The following NIBAN2 variants were observed in gnomAD, a reference collection of about 807,000 sequenced individuals.
NIBAN2 encodes protein Niban 2.
Under a neutral mutation model 81.8 loss-of-function variants are expected in NIBAN2, and 36 were observed. The observed-to-expected ratio is 0.44, with a 90% CI of 0.34 to 0.58. NIBAN2 has a LOEUF of 0.58. NIBAN2 is among the 20% of genes least tolerant of loss of function. NIBAN2 has a pLI of 0.02. For missense variants in NIBAN2, 897 were observed against 1,014.1 expected (o/e 0.88, Z 1.57); for synonymous variants, 445 against 441.6 (o/e 1.01, Z -0.10).
upstream of NIBAN2, among the ~76,000 whole-genome samples, chr9:127,573,002 G>A (rs987338581): frequency 9.9e-5 from 15 of 152,210 alleles, no homozygotes; most frequent in African/African-American, 2.9e-4. Flanking sequence ...CTGTGATCTC[G>A]CCGCTACACT....
At chr9:127,555,519 C>T (rs1837651388) in intron 1 of NIBAN2, among the ~76,000 whole-genome samples, 1 of 152,350 alleles carries the variant, frequency 6.6e-6, no homozygotes, top group East Asian at 1.9e-4. Flanking sequence ...GCCTCCTGAA[C>T]AGCATTCCCT....
At chr9:127,541,564 C>G (rs1486150588) in intron 1 of NIBAN2, among the ~76,000 whole-genome samples, 1 of 152,268 alleles carries the variant, frequency 6.6e-6, no homozygotes, top group East Asian at 1.9e-4. Flanking sequence ...AGACACAGGG[C>G]TCCTGCTCAG....
Position 127,506,710 on chromosome 9 carries a change from C to A in NIBAN2, c.*135G>T. ...ATAAAGTGACTCAGGTGGGCCCGCT[C>A]CCTGGCGGTGCCACACAGCCCTGCC... On this transcript the variant is annotated 3_prime_UTR_variant, in exon 14 of 14. Transcript: ENST00000373312. 1 of 694,636 alleles carries A rather than the reference C, an allele frequency of 1.4e-6. No individual in the cohort carries two copies. The highest frequency in any genetic ancestry group is 2.2e-6 in the Non-Finnish European group (1 of 444,740). 43.0% of individuals were successfully genotyped at this position (694,636 alleles called of 1,614,324 possible).
rs765325817 is a variant in NIBAN2, at chr9:127,509,020, T to C, written c.1273A>G (p.Ser425Gly). ...DGLQQRFDVS[S>G]TSVFKQRAQI... Reference sequence around the variant, plus strand: ...GCTCGCTGCTTGAACACGGACGTGCTGGACACATCAAATCGCTGCTGCAGC... The same window carrying C: ...GCTCGCTGCTTGAACACGGACGTGCCGGACACATCAAATCGCTGCTGCAGC... Residue 425 changes from serine to glycine, a missense_variant, in exon 10 of 14, where the codon AGC becomes GGC. By Grantham distance (56) the Ser-to-Gly change is moderately conservative. Transcript: ENST00000373312. 2 of 1,613,998 alleles carry C rather than the reference T, an allele frequency of 1.2e-6. No homozygotes were observed. The highest frequency in any genetic ancestry group is 1.1e-5 in the South Asian group (1 of 91,082).
rs764013369 is a variant in NIBAN2, at chr9:127,507,901, C to T, written c.1620G>A (p.Val540=). ...TGTCCTTCATGACGGTCTGCAGCAC[C>T]ACCTCCTCGTACGTGTTTTCCACCA... ...FILVENTYEE[V]VLQTVMKDIL... is the part of the protein sequence containing the mutation. The change falls in exon 13 of 14, where the codon GTG becomes GTA. Residue 540 remains valine, a synonymous_variant. Coordinates refer to ENST00000373312, the MANE Select transcript of NIBAN2 (RefSeq NM_022833.4). The surrounding 1 kb of genome is among the most constrained non-coding windows in gnomAD (Gnocchi z 6.8). 2.5e-6 allele frequency: 4 copies of T among 1,614,224 alleles called. No homozygotes were observed. The African/African-American group carries it at 4.0e-5, about 16-fold the overall frequency.
At chr9:127,546,105 C>A (rs1032341841) in intron 1 of NIBAN2, among the ~76,000 whole-genome samples, 3 of 152,224 alleles carry the variant, frequency 2.0e-5, no homozygotes, top group African/African-American at 7.2e-5. Flanking sequence ...CAAGGCCACG[C>A]CCAAGGAGGA....
At chr9:127,521,296 A>G (rs1353339575) in intron 5 of NIBAN2, among the ~76,000 whole-genome samples, 1 of 152,190 alleles carries the variant, frequency 6.6e-6, no homozygotes, top group Non-Finnish European at 1.5e-5. Context: ...GCTTGAACCC[A>G]GGACCAGCTG....
Position 127,553,217 on chromosome 9 carries a change from G to A in NIBAN2, c.55+15603C>T, listed in dbSNP as rs77669280. ...ATAATAAAAGGTGAAAAACAATAAA[G>A]GGGGAAGACTGGGGAAGCTCAAAGT... On this transcript the variant is annotated intron_variant, in intron 1 of 13. Coordinates refer to ENST00000373312, the MANE Select transcript of NIBAN2 (RefSeq NM_022833.4). 5.6e-3 allele frequency among the ~76,000 whole-genome samples: 850 copies of A among 152,332 alleles called. 15 individuals carry two copies. The East Asian group carries it at 0.065, about 12-fold the overall frequency.
intron 2 of NIBAN2, among the ~76,000 whole-genome samples, 159 bp from the exon 3 acceptor site, chr9:127,527,481 G>A (rs1394962850): frequency 6.6e-6 from 1 of 152,200 alleles, no homozygotes; most frequent in Non-Finnish European, 1.5e-5. Context: ...TCTGAGGCCG[G>A]GCTGCATCTC....
At chr9:127,552,934 C>A (rs1207872993) in intron 1 of NIBAN2, among the ~76,000 whole-genome samples, 1 of 152,138 alleles carries the variant, frequency 6.6e-6, no homozygotes, top group Admixed American at 6.5e-5. Flanking sequence ...TCAGGTGATC[C>A]GCCTGTCTCA....
In NIBAN2 at chr9:127,507,411, G is replaced by A; in HGVS notation, c.1675C>T (p.Gln559Ter). 1 of 1,513,972 alleles carries A rather than the reference G, an allele frequency of 6.6e-7. No individual in the cohort carries two copies. 93.8% of individuals were successfully genotyped at this position (1,513,972 alleles called of 1,614,324 possible). Residue 559 changes from glutamine to a stop codon, truncating the protein, a stop_gained, in exon 14 of 14, where the codon CAG becomes TAG. Coordinates refer to ENST00000373312, the MANE Select transcript of NIBAN2 (RefSeq NM_022833.4). LOFTEE classifies it low-confidence loss of function (END_TRUNC). This position sits in a 1 kb window ranked among gnomAD's most constrained non-coding sequence, Gnocchi z 6.8. The stretch of plus-strand genomic sequence containing the variant: ...TCCCGGTAGAGGTTGTGCTTCCTCT[G>A]CACCGCGGCCTCCTTCACAGCTACA... The part of the protein sequence containing the change: ...ILQAVKEAAV[Q>*]RKHNLYRDSM...
chr9:127,514,034 C>T (rs374180082), intron 8 of NIBAN2, among the ~76,000 whole-genome samples: 6 of 152,102 alleles, frequency 3.9e-5, no homozygotes, highest in East Asian at 1.9e-4. Context: ...TTTGGGAGGC[C>T]GAGGCAGGAA....
chr9:127,575,062 C>A (rs1837991734), intron 1 of NIBAN2, among the ~76,000 whole-genome samples: 1 of 152,216 alleles, frequency 6.6e-6, no homozygotes, highest in African/African-American at 2.4e-5. Flanking sequence ...CCACTTCTAA[C>A]CTTCTGTGGC....
At chr9:127,577,722 G>T (rs1838026203) in intron 1 of NIBAN2, among the ~76,000 whole-genome samples, 1 of 152,066 alleles carries the variant, frequency 6.6e-6, no homozygotes, top group East Asian at 1.9e-4. Flanking sequence ...TTGTTTGTTT[G>T]TTTGTTTCAG....
At chr9:127,522,716 T>C (rs1309035884) in intron 5 of NIBAN2, among the ~76,000 whole-genome samples, 1 of 151,804 alleles carries the variant, frequency 6.6e-6, no homozygotes, top group Admixed American at 6.6e-5. Context: ...TCCTCCCCTC[T>C]CCTCTATGCA....
In NIBAN2 at chr9:127,545,318, G is replaced by A. The variant is rs1167547286; in HGVS notation, c.56-13540C>T. ...TCCCACAGCCCCTGGCCTGCTCCCC[G>A]GCACTCCCCTCAACCACAGTTAATG... On this transcript the variant is annotated intron_variant, in intron 1 of 13. Coordinates refer to ENST00000373312, the MANE Select transcript of NIBAN2 (RefSeq NM_022833.4). The surrounding 1 kb of genome is among the most constrained non-coding windows in gnomAD (Gnocchi z 4.7). 1.3e-5 allele frequency among the ~76,000 whole-genome samples: 2 copies of A among 152,030 alleles called. No individual in the cohort carries two copies. The highest frequency in any genetic ancestry group is 2.1e-4 in the South Asian group (1 of 4,818).
In NIBAN2 at chr9:127,508,594, G is replaced by A; in HGVS notation, c.1318-56C>T. 1 of 1,445,800 alleles carries A rather than the reference G, an allele frequency of 6.9e-7. No homozygotes were observed. The highest frequency in any genetic ancestry group is 9.7e-7 in the Non-Finnish European group (1 of 1,031,450). The allele number at this position is 1,445,800 out of a possible 1,614,324, so 89.6% of individuals were successfully genotyped here. A position where few individuals can be genotyped will look rare whatever the true frequency, so the allele number is the denominator to read the frequency against. On this transcript the variant is annotated intron_variant, in intron 10 of 13. Coordinates refer to ENST00000373312, the MANE Select transcript of NIBAN2 (RefSeq NM_022833.4). This position sits in a 1 kb window ranked among gnomAD's most constrained non-coding sequence, Gnocchi z 6.4. ...CCCAGGGTGACCACAGCCCCTTCCT[G>A]GGTGCCGCTGAGGGGTCCTCATCCT...
chr9:127,516,736 C>T, intron 8 of NIBAN2, 121 bp downstream of exon 8: 2 of 1,104,486 alleles, frequency 1.8e-6, no homozygotes, highest in Non-Finnish European at 1.3e-6. Context: ...AGATTTGGCT[C>T]TAATTCTTAC....
At chr9:127,568,346 C>T (rs568078057) in intron 1 of NIBAN2, among the ~76,000 whole-genome samples, 11 of 152,336 alleles carry the variant, frequency 7.2e-5, no homozygotes, top group Non-Finnish European at 1.5e-4. Context: ...CAGGAAGCCT[C>T]CGCCACGTGT....
Sources: allele counts gnomAD v4.1 joint callset (sites outside exome capture counted in the v4.1 genomes callset), GRCh38; gene constraint gnomAD v4.1.1; non-coding constraint Gnocchi (gnomAD v3.1); transcripts MANE v1.5; gene names NCBI Gene and HGNC (gene_info 2026-07-23, HGNC 2026-07-21).